APBA1: variants seen among roughly 807,000 people sequenced by gnomAD.
APBA1 encodes the protein amyloid beta precursor protein binding family A member 1.
APBA1 carries 55 observed loss-of-function variants against 86.6 expected under a neutral mutation model. That is an observed-to-expected ratio of 0.64 (90% CI 0.51 to 0.80). The LOEUF (loss-of-function observed/expected upper bound fraction) is 0.80. Ranked by LOEUF, APBA1 falls within the 30% of genes least tolerant of loss-of-function variation. The pLI is 0.00. For synonymous variants in APBA1, 511 were observed against 493.9 expected (o/e 1.03, Z -0.46); for missense variants, 1,090 against 1,183.0 (o/e 0.92, Z 1.15).
chr9:69,505,204 G>A (rs1309581296), intron 2 of APBA1, among the ~76,000 whole-genome samples: 1 of 152,112 alleles, frequency 6.6e-6, no homozygotes, highest in Non-Finnish European at 1.5e-5. Flanking sequence ...ACCCATTGTG[G>A]TTTCAGGAGA....
At chr9:69,628,595 A>G (rs1427354815) in intron 1 of APBA1, among the ~76,000 whole-genome samples, 1 of 152,180 alleles carries the variant, frequency 6.6e-6, no homozygotes, top group Non-Finnish European at 1.5e-5. Context: ...AACCATTCCA[A>G]AGAATATCTA....
chr9:69,466,202 G>A (rs893235261), intron 5 of APBA1, among the ~76,000 whole-genome samples: 3 of 152,278 alleles, frequency 2.0e-5, no homozygotes, highest in Middle Eastern at 3.4e-3. Flanking sequence ...CAGCAGGAGC[G>A]GCAGTGAGCA....
At position 69,516,084 on chromosome 9, in the gene APBA1, T is replaced by TACAC; in HGVS notation, c.1126_1127insGTGT (p.Glu376GlyfsTer12). ...GTCCTGGCGCATGACCCAGATGGGCTCTTTGGGCTCGTCGGGGGTGTAAGG... is the reference window on the plus strand; with the variant it reads ...GTCCTGGCGCATGACCCAGATGGGCTACACCTTTGGGCTCGTCGGGGGTGTAAGG... On this transcript the variant is annotated frameshift_variant, in exon 2 of 13. Coordinates refer to ENST00000265381, the MANE Select transcript of APBA1 (RefSeq NM_001163.4). LOFTEE classifies it high-confidence loss of function. This position sits in a 1 kb window ranked among gnomAD's most constrained non-coding sequence, Gnocchi z 7.3. 6.2e-7 allele frequency: 1 copy of TACAC among 1,612,902 alleles called. No homozygotes were observed. Among genetic ancestry groups the TACAC allele is most frequent in the Non-Finnish European group, 8.5e-7 (1 of 1,179,352 alleles).
chr9:69,656,835 A>G (rs1823621297), intron 1 of APBA1, among the ~76,000 whole-genome samples: 1 of 136,976 alleles, frequency 7.3e-6, no homozygotes, highest in African/African-American at 2.5e-5. Flanking sequence ...AATAACCGGG[A>G]GATCTTTTTT....
At chr9:69,529,568 T>C (rs948739488) in intron 1 of APBA1, among the ~76,000 whole-genome samples, 3 of 152,168 alleles carry the variant, frequency 2.0e-5, no homozygotes, top group African/African-American at 7.2e-5. Flanking sequence ...AGATATGGTA[T>C]CTGCATTTAT....
chr9:69,608,986 C>G (rs1003131648), intron 1 of APBA1, among the ~76,000 whole-genome samples: 1 of 152,156 alleles, frequency 6.6e-6, no homozygotes, highest in Non-Finnish European at 1.5e-5. Context: ...ACATAATCTG[C>G]TTTTAACCTA....
In APBA1 at chr9:69,456,409, C is replaced by T. The variant is rs140724658; in HGVS notation, c.1626G>A (p.Leu542=). The part of the protein sequence containing the change: ...DTQETMMDHP[L]RTISYIADIG... ...TGTCCGCAATGTAGGAAATGGTCCT[C>T]AGAGGGTGGTCCATCATTGTCTCCT... The change falls in exon 8 of 13, where the codon CTG becomes CTA. Residue 542 remains leucine, a synonymous_variant. Transcript: ENST00000265381. 2.1e-4 allele frequency: 344 copies of T among 1,604,900 alleles called. No individual in the cohort carries two copies. The African/African-American group carries it at 4.3e-3, about 20-fold the overall frequency.
rs770180947 is a variant in APBA1, at chr9:69,658,286, C to CTTTTTCTTTCTTTCTT, written c.-70+13866_-70+13867insAAGAAAGAAAGAAAAA. Among the ~76,000 whole-genome samples the CTTTTTCTTTCTTTCTT allele has an allele frequency of 6.1e-4, 45 of 74,232 alleles. 1 individual carries two copies. Among genetic ancestry groups the CTTTTTCTTTCTTTCTT allele is most frequent in the East Asian group, 1.1e-3 (3 of 2,654 alleles). 48.7% of individuals were successfully genotyped at this position (74,232 alleles called of 152,430 possible). A position where few individuals can be genotyped will look rare whatever the true frequency, so the allele number is the denominator to read the frequency against. On this transcript the variant is annotated intron_variant, in intron 1 of 12. Coordinates refer to ENST00000265381, the MANE Select transcript of APBA1 (RefSeq NM_001163.4). ...TTTCTTTCTTTCTTTCTTTCTTTCT[C>CTTTTTCTTTCTTTCTT]TCTCTCTTTCTCTCTCTCTCTTTCT...
chr9:69,510,771 A>G (rs71503673), intron 2 of APBA1, among the ~76,000 whole-genome samples: 1,637 of 146,288 alleles, frequency 0.011, 28 homozygotes, highest in Non-Finnish European at 0.018. Context: ...AACGCCGCAT[A>G]TCTACAACTA....
intron 1 of APBA1, among the ~76,000 whole-genome samples, chr9:69,628,452 A>C (rs1435074581): frequency 1.3e-5 from 2 of 152,220 alleles, no homozygotes; most frequent in African/African-American, 4.8e-5. Flanking sequence ...GTCTAATTTA[A>C]ACTGCCCATC....
chr9:69,607,232 C>G (rs1010343134), intron 1 of APBA1, among the ~76,000 whole-genome samples: 1 of 152,134 alleles, frequency 6.6e-6, no homozygotes, highest in African/African-American at 2.4e-5. Flanking sequence ...GAAGGCCTCA[C>G]GGTCATGGCA....
At chr9:69,638,185 C>T (rs567913298) in intron 1 of APBA1, among the ~76,000 whole-genome samples, 1 of 152,158 alleles carries the variant, frequency 6.6e-6, no homozygotes, top group Admixed American at 6.5e-5. Context: ...TTTAAATGCA[C>T]TAGGGTGTCT....
rs573797452 is a variant in APBA1 at position 69,471,957 on chromosome 9, A to G, written c.1297-262T>C. ...TCAGAGAGGTATTTGCCAACTAAAAAACAATCCCACAGACAAGTCTCTAAC... is the reference window on the plus strand; with the variant it reads ...TCAGAGAGGTATTTGCCAACTAAAAGACAATCCCACAGACAAGTCTCTAAC... On this transcript the variant is annotated intron_variant, in intron 3 of 12. Transcript: ENST00000265381. 1.3e-3 allele frequency among the ~76,000 whole-genome samples: 200 copies of G among 152,360 alleles called. 1 individual carries two copies. Among genetic ancestry groups the G allele is most frequent in the African/African-American group, 4.7e-3 (195 of 41,598 alleles).
At chr9:69,646,091 AT>A (rs2134011982) in intron 1 of APBA1, among the ~76,000 whole-genome samples, 2 of 152,356 alleles carry the variant, frequency 1.3e-5, no homozygotes, top group African/African-American at 4.8e-5. Flanking sequence ...GAAAAGTTTT[AT>A]TTTGATAAGC....
intron 1 of APBA1, among the ~76,000 whole-genome samples, chr9:69,608,650 G>GC (rs892910095): frequency 6.6e-5 from 10 of 152,236 alleles, no homozygotes; most frequent in South Asian, 4.1e-4. Context: ...CCTTTAAGAG[G>GC]CCCCCCTTTG....
rs561094707 is a variant in APBA1 at position 69,595,119 on chromosome 9, C to T, written c.-70+77034G>A. On this transcript the variant is annotated intron_variant, in intron 1 of 12. Coordinates refer to ENST00000265381, the MANE Select transcript of APBA1 (RefSeq NM_001163.4). ...ACAGTTCACTTTCAAGGTGATGATA[C>T]TGGCAACAAGGAGATGAAAAAGTGA... Among the ~76,000 whole-genome samples the T allele has an allele frequency of 3.3e-5, 5 of 152,242 alleles. No individual in the cohort carries two copies. The East Asian group carries it at 9.7e-4, about 29-fold the overall frequency.
At position 69,430,648 on chromosome 9, in the gene APBA1, T is replaced by C. The variant is rs1204633864; in HGVS notation, c.*679A>G. 6.6e-6 allele frequency: 1 copy of C among 152,532 alleles called. No homozygotes were observed. The highest frequency in any genetic ancestry group is 1.5e-5 in the Non-Finnish European group (1 of 68,032). 9.4% of individuals were successfully genotyped at this position (152,532 alleles called of 1,614,324 possible). A position where few individuals can be genotyped will look rare whatever the true frequency, so the allele number is the denominator to read the frequency against. On this transcript the variant is annotated 3_prime_UTR_variant, in exon 13 of 13. Coordinates refer to ENST00000265381, the MANE Select transcript of APBA1 (RefSeq NM_001163.4). ...ACCTGGTAAAGCTTCAGATGCCCCATGAATTGCCAAGCTCTCTGTGACACT... is the reference window on the plus strand; with the variant it reads ...ACCTGGTAAAGCTTCAGATGCCCCACGAATTGCCAAGCTCTCTGTGACACT...
chr9:69,559,141 T>A (rs1019837941), intron 1 of APBA1, among the ~76,000 whole-genome samples: 4 of 152,204 alleles, frequency 2.6e-5, no homozygotes, highest in African/African-American at 9.7e-5. Context: ...TCTATCTCAG[T>A]CTTACAGAAA....
intron 1 of APBA1, among the ~76,000 whole-genome samples, chr9:69,569,843 C>A (rs1424754037): frequency 6.6e-6 from 1 of 151,844 alleles, no homozygotes; most frequent in African/African-American, 2.4e-5. Flanking sequence ...TTTTTTCCTG[C>A]CTAGGCAGAT....
Sources: allele counts gnomAD v4.1 joint callset (sites outside exome capture counted in the v4.1 genomes callset), GRCh38; gene constraint gnomAD v4.1.1; non-coding constraint Gnocchi (gnomAD v3.1); transcripts MANE v1.5; gene names NCBI Gene and HGNC (gene_info 2026-07-23, HGNC 2026-07-21).